Variants in BMPER observed in about 807,000 individuals in gnomAD.
BMPER encodes BMP binding endothelial regulator, also known as BMP-binding endothelial regulator protein.
In BMPER, 45 loss-of-function variants were observed where a neutral mutation model predicts 87.3. The observed-to-expected ratio is 0.52, with a 90% CI of 0.41 to 0.66. The LOEUF (loss-of-function observed/expected upper bound fraction) is 0.66, where lower values mean the gene tolerates loss of function less well. Ranked by LOEUF, BMPER falls within the 30% of genes least tolerant of loss-of-function variation. BMPER has a pLI of 0.00. For missense variants in BMPER, 784 were observed against 867.5 expected, an observed-to-expected ratio of 0.90 and a Z score of 1.21; for synonymous variants, 326 against 316.2, an observed-to-expected ratio of 1.03 and a Z score of -0.33.
chr7:33,969,414 T>A (rs567564915), intron 4 of BMPER, among the ~76,000 whole-genome samples: 32 of 152,314 alleles, frequency 2.1e-4, no homozygotes, highest in South Asian at 1.7e-3. Flanking sequence ...TTATTTATTT[T>A]TTTGAGATGG....
chr7:34,046,991 T>A (rs2127958097), intron 7 of BMPER, among the ~76,000 whole-genome samples: 1 of 151,942 alleles, frequency 6.6e-6, no homozygotes, highest in African/African-American at 2.4e-5. Flanking sequence ...AGTATATAAT[T>A]CCTATGTGTA....
chr7:34,093,462 A>T (rs771018431), intron 13 of BMPER, among the ~76,000 whole-genome samples: 2 of 152,136 alleles, frequency 1.3e-5, no homozygotes, highest in Non-Finnish European at 2.9e-5. Context: ...ACTAAATCCT[A>T]TTGTTAGACT....
intron 14 of BMPER, among the ~76,000 whole-genome samples, chr7:34,152,487 A>G (rs1431067038): frequency 1.3e-5 from 2 of 152,174 alleles, no homozygotes; most frequent in Non-Finnish European, 2.9e-5. Context: ...TGACGTGGCA[A>G]CATCATCATT....
At chr7:34,080,485 C>T (rs942076079) in intron 12 of BMPER, among the ~76,000 whole-genome samples, 4 of 151,606 alleles carry the variant, frequency 2.6e-5, no homozygotes, top group African/African-American at 9.7e-5. Flanking sequence ...GATTCCTATT[C>T]TTTATTTCAC....
At chr7:34,061,048 C>T (rs1182190529) in intron 10 of BMPER, among the ~76,000 whole-genome samples, 25 of 152,152 alleles carry the variant, frequency 1.6e-4, no homozygotes, top group Non-Finnish European at 3.5e-4. Context: ...ATACTCAGCT[C>T]ATAAGGTTCT....
intron 11 of BMPER, among the ~76,000 whole-genome samples, chr7:34,076,794 G>C (rs180912205): frequency 2.0e-5 from 3 of 152,232 alleles, no homozygotes; most frequent in African/African-American, 7.2e-5. Context: ...AGGAGAGTGT[G>C]GGCAGCAGGT....
intron 2 of BMPER, among the ~76,000 whole-genome samples, chr7:33,913,290 G>C (rs140121116): frequency 6.6e-6 from 1 of 152,190 alleles, no homozygotes; most frequent in Non-Finnish European, 1.5e-5. Flanking sequence ...AATCTCCATG[G>C]GAACCAGCAA....
rs1443339634 is a variant in BMPER, at chr7:33,932,816, AC to A, written c.220-4472del. Among the ~76,000 whole-genome samples the A allele has an allele frequency of 2.6e-5, 4 of 152,280 alleles. No homozygotes were observed. In the South Asian group the frequency reaches 6.2e-4, roughly 24 times the overall value. The stretch of plus-strand genomic sequence containing the variant: ...TGGAAGAATCTTTGAAAAAAAAAAT[AC>A]GTTCAAGACATTGGGGCTGGGAATA... On this transcript the variant is annotated intron_variant, in intron 2 of 14. Coordinates refer to ENST00000649409, the MANE Select transcript of BMPER (RefSeq NM_001365308.1).
intron 6 of BMPER, among the ~76,000 whole-genome samples, chr7:33,990,207 A>T (rs1364695211): frequency 2.0e-5 from 3 of 149,422 alleles, no homozygotes; most frequent in Non-Finnish European, 3.0e-5. Context: ...TACCTTGGGC[A>T]GTATGGCCAT....
At chr7:33,979,256 T>C (rs1785778432) in intron 6 of BMPER, among the ~76,000 whole-genome samples, 1 of 151,792 alleles carries the variant, frequency 6.6e-6, no homozygotes, top group African/African-American at 2.4e-5. Context: ...CCTCCAGTCC[T>C]TTGCTCATGC....
chr7:34,095,914 G>A (rs964828313), intron 13 of BMPER, among the ~76,000 whole-genome samples: 6 of 151,540 alleles, frequency 4.0e-5, no homozygotes, highest in East Asian at 1.9e-4. Flanking sequence ...AGGATCTAAC[G>A]CTTCTGAATT....
At chr7:34,100,395 A>G (rs1789648465) in intron 13 of BMPER, among the ~76,000 whole-genome samples, 1 of 152,170 alleles carries the variant, frequency 6.6e-6, no homozygotes, top group Non-Finnish European at 1.5e-5. Context: ...TGAGCTAAAA[A>G]GGATGGGTAG....
At chr7:34,008,012 G>A (rs1786782162) in intron 6 of BMPER, among the ~76,000 whole-genome samples, 1 of 151,830 alleles carries the variant, frequency 6.6e-6, no homozygotes, top group Non-Finnish European at 1.5e-5. Flanking sequence ...TAAATATTAA[G>A]TTATTTTAGT....
At chr7:33,908,922 A>T (rs1182442772) in intron 2 of BMPER, among the ~76,000 whole-genome samples, 2 of 152,170 alleles carry the variant, frequency 1.3e-5, no homozygotes, top group Non-Finnish European at 2.9e-5. Context: ...ATGACCACTT[A>T]TCTCTTTGTA....
In BMPER at chr7:33,937,365, G is replaced by A. The variant is rs778003355; in HGVS notation, c.296G>A (p.Gly99Glu). The change falls in exon 3 of 15, where the codon GGA (glycine) becomes GAA (glutamate). Residue 99 changes from glycine to glutamate, a missense_variant. Coordinates refer to ENST00000649409, the MANE Select transcript of BMPER (RefSeq NM_001365308.1). Reference sequence around the variant, plus strand: ...TGTGCCCTGGCCATCAAGCAGAGGGGAGCCTGTTGTGAACAGTGCAAAGGT... The same window carrying A: ...TGTGCCCTGGCCATCAAGCAGAGGGAAGCCTGTTGTGAACAGTGCAAAGGT... ...RDCALAIKQRGACCEQCKGCT... is the reference protein window; with the variant it reads ...RDCALAIKQREACCEQCKGCT... 2 of 1,614,176 alleles carry A rather than the reference G, an allele frequency of 1.2e-6. No individual in the cohort carries two copies. Among genetic ancestry groups the A allele is most frequent in the Admixed American group, 1.7e-5 (1 of 60,032 alleles).
chr7:34,089,182 A>AT, intron 13 of BMPER, among the ~76,000 whole-genome samples: 1 of 152,128 alleles, frequency 6.6e-6, no homozygotes, highest in South Asian at 2.1e-4. Flanking sequence ...AATTTATTTT[A>AT]TTTTCCCCCC....
intron 3 of BMPER, among the ~76,000 whole-genome samples, chr7:33,948,733 A>G (rs998323308): frequency 2.0e-5 from 3 of 152,162 alleles, no homozygotes; most frequent in African/African-American, 7.2e-5. Context: ...TAAGTTTCCT[A>G]AGGCCTTCCC....
rs759434475 is a variant in BMPER at position 33,937,307 on chromosome 7, A to G, written c.238A>G (p.Lys80Glu). The change falls in exon 3 of 15, where the codon AAG (lysine) becomes GAG (glutamate). Residue 80 changes from lysine to glutamate, a missense_variant. Physicochemically the swap from Lys to Glu is moderately conservative, Grantham distance 56. Coordinates refer to ENST00000649409, the MANE Select transcript of BMPER (RefSeq NM_001365308.1). The stretch of plus-strand genomic sequence containing the variant: ...TGTCTAGAACAAGGAAGTGACATGT[A>G]AGAGAGAGAAGTGCCCCGTGCTGTC... ...CVCLNKEVTCKREKCPVLSRD... is the reference protein window; with the variant it reads ...CVCLNKEVTCEREKCPVLSRD... The G allele has an allele frequency of 6.2e-7, 1 of 1,614,106 alleles. No homozygotes were observed. Among genetic ancestry groups the G allele is most frequent in the Admixed American group, 1.7e-5 (1 of 60,020 alleles).
At chr7:34,134,565 G>A (rs1790672873) in intron 13 of BMPER, among the ~76,000 whole-genome samples, 1 of 152,118 alleles carries the variant, frequency 6.6e-6, no homozygotes, top group Non-Finnish European at 1.5e-5. Flanking sequence ...TTTCCTACTT[G>A]AGCAAAGATA....
Sources: allele counts gnomAD v4.1 joint callset (sites outside exome capture counted in the v4.1 genomes callset), GRCh38; gene constraint gnomAD v4.1.1; transcripts MANE v1.5; gene names NCBI Gene and HGNC (gene_info 2026-07-23, HGNC 2026-07-21).